FAAH2: variants seen among roughly 807,000 people sequenced by gnomAD.
FAAH2 encodes the protein fatty acid amide hydrolase 2, also known as fatty-acid amide hydrolase 2.
A neutral mutation model predicts 36.9 loss-of-function variants in FAAH2; 60 were observed. The observed-to-expected ratio is 1.63, with a 90% CI of 1.32 to 2.02. FAAH2 has a LOEUF of 2.02. Ranked by LOEUF, FAAH2 falls within the 30% of genes most tolerant of loss-of-function variation. FAAH2 has a pLI of 0.00. For synonymous variants in FAAH2, 214 were observed against 143.8 expected (o/e 1.49, Z -3.49); for missense variants, 689 against 397.5 (o/e 1.73, Z -6.23).
At chrX:57,334,713 T>C (rs972498454) in intron 4 of FAAH2, among the ~76,000 whole-genome samples, 5 of 111,800 alleles carry the variant, frequency 4.5e-5, no homozygotes, top group African/African-American at 1.6e-4. Flanking sequence ...TGTTCCTTTA[T>C]AAGATAACTA....
chrX:57,225,221 G>A, the FAAH2 span, among the ~76,000 whole-genome samples: 1 of 111,132 alleles, frequency 9.0e-6, no homozygotes, highest in Non-Finnish European at 1.9e-5. Context: ...GTTGCTTGAG[G>A]TGTAACCTTA....
intron 3 of FAAH2, among the ~76,000 whole-genome samples, chrX:57,323,265 G>C (rs1287816432): frequency 9.0e-6 from 1 of 111,474 alleles, no homozygotes; most frequent in Non-Finnish European, 1.9e-5. Flanking sequence ...CCAAGTCTTT[G>C]CTATTGTGAA....
At chrX:57,448,465 A>G in intron 9 of FAAH2, 59 bp from the exon 10 acceptor site, 1 of 1,020,707 alleles carries the variant, frequency 9.8e-7, no homozygotes. Context: ...AAGATAAAGA[A>G]CACTAGGAAT....
At chrX:57,211,115 G>C in the FAAH2 span, among the ~76,000 whole-genome samples, 1 of 111,771 alleles carries the variant, frequency 8.9e-6, no homozygotes, top group Non-Finnish European at 1.9e-5. Context: ...AAGTGGAGAG[G>C]CATACCATGC....
Position 57,393,878 on chromosome X carries a change from A to G in FAAH2, c.996+12849A>G, listed in dbSNP as rs969403653. On this transcript the variant is annotated intron_variant, in intron 7 of 10. Coordinates refer to ENST00000374900, the MANE Select transcript of FAAH2 (RefSeq NM_174912.4). ...TTGCCAAGCTATGGTTTCTGGATCA[A>G]TGTCCAATCTTGCAAATCTGTTTAT... is the stretch of plus-strand genomic sequence containing the variant. The G allele has an allele frequency of 1.7e-5, 18 of 1,032,074 alleles. No individual in the cohort carries two copies. The Admixed American group carries it at 3.7e-4, about 21-fold the overall frequency. 85.1% of individuals were successfully genotyped at this position (1,032,074 alleles called of 1,213,427 possible).
intron 10 of FAAH2, among the ~76,000 whole-genome samples, chrX:57,476,767 G>A (rs1241014240): frequency 9.0e-6 from 1 of 110,913 alleles, no homozygotes; most frequent in Admixed American, 9.6e-5. Flanking sequence ...AATGGTACCA[G>A]CTCCTCTTTG....
At chrX:57,322,703 C>G (rs1157038177) in intron 3 of FAAH2, among the ~76,000 whole-genome samples, 1 of 111,207 alleles carries the variant, frequency 9.0e-6, no homozygotes, top group Non-Finnish European at 1.9e-5. Flanking sequence ...TTAAAAAATT[C>G]TTTTTTCTTT....
chrX:57,341,469 T>C, intron 5 of FAAH2, 79 bp downstream of exon 5: 1 of 1,045,191 alleles, frequency 9.6e-7, no homozygotes, highest in Admixed American at 2.7e-5. Flanking sequence ...AGCAGGATTA[T>C]CTTGCTTATC....
At chrX:57,399,823 T>A (rs1174955806) in intron 7 of FAAH2, among the ~76,000 whole-genome samples, 1 of 112,179 alleles carries the variant, frequency 8.9e-6, no homozygotes, top group East Asian at 2.8e-4. Flanking sequence ...CCCTTTTCCT[T>A]TCTCCTAATT....
intron 7 of FAAH2, among the ~76,000 whole-genome samples, chrX:57,423,376 A>G (rs188115043): frequency 9.0e-6 from 1 of 111,405 alleles, no homozygotes; most frequent in African/African-American, 3.3e-5. Flanking sequence ...TTCCCTTGGC[A>G]GGACTAGACC....
chrX:57,212,483 G>T, the FAAH2 span, among the ~76,000 whole-genome samples: 1 of 111,108 alleles, frequency 9.0e-6, no homozygotes, highest in East Asian at 2.8e-4. Context: ...ATCAATTCAG[G>T]ATATGAAATA....
At chrX:57,283,111 A>T (rs1236377988), upstream of FAAH2, among the ~76,000 whole-genome samples, 1 of 112,197 alleles carries the variant, frequency 8.9e-6, no homozygotes, top group Non-Finnish European at 1.9e-5. Flanking sequence ...GGGGATGGGA[A>T]GGGGATTGCG....
At chrX:57,290,219 C>G in intron 1 of FAAH2, 4 of 697,128 alleles carry the variant, frequency 5.7e-6, no homozygotes, top group Non-Finnish European at 6.8e-6. Context: ...TTTTTTCTCA[C>G]GTGCTGCATG....
At chrX:57,326,979 G>A (rs936544318) in intron 3 of FAAH2, among the ~76,000 whole-genome samples, 3 of 103,360 alleles carry the variant, frequency 2.9e-5, no homozygotes, top group Admixed American at 1.1e-4. Context: ...GGCTGGTATC[G>A]GTTGTTCCTT....
chrX:57,485,060 T>A, intron 10 of FAAH2, among the ~76,000 whole-genome samples: 1 of 111,776 alleles, frequency 8.9e-6, no homozygotes, highest in East Asian at 2.9e-4. Flanking sequence ...GCTGAAATAT[T>A]CAGTTGGGGG....
chrX:57,162,911 C>T, the FAAH2 span, among the ~76,000 whole-genome samples: 8 of 113,049 alleles, frequency 7.1e-5, no homozygotes, highest in African/African-American at 1.3e-4. Context: ...TAACGAACTG[C>T]GTTCCTTTGG....
the FAAH2 span, among the ~76,000 whole-genome samples, chrX:57,158,675 G>A: frequency 2.0e-4 from 22 of 111,868 alleles, no homozygotes; most frequent in African/African-American, 6.8e-4. Flanking sequence ...CATATCCTTT[G>A]CCCACTTTTT....
the FAAH2 span, among the ~76,000 whole-genome samples, chrX:57,133,999 C>G: frequency 9.0e-6 from 1 of 111,156 alleles, no homozygotes; most frequent in South Asian, 3.8e-4. Flanking sequence ...AGGGCGTCAC[C>G]AGCACTCTTT....
At chrX:57,401,684 G>A (rs956218852) in intron 7 of FAAH2, among the ~76,000 whole-genome samples, 7 of 111,269 alleles carry the variant, frequency 6.3e-5, no homozygotes, top group Non-Finnish European at 9.4e-5. Flanking sequence ...ACTGCCTTTG[G>A]TAGGGAAAGG....
Sources: allele counts gnomAD v4.1 joint callset (sites outside exome capture counted in the v4.1 genomes callset), GRCh38; gene constraint gnomAD v4.1.1; transcripts MANE v1.5; gene names NCBI Gene and HGNC (gene_info 2026-07-23, HGNC 2026-07-21).